The following CA10 variants were observed in gnomAD, a reference collection of about 807,000 sequenced individuals.
CA10 encodes the protein carbonic anhydrase-related protein 10.
In CA10, 14 loss-of-function variants were observed where a neutral mutation model predicts 44.2. The observed-to-expected ratio is 0.32, with a 90% CI of 0.21 to 0.50. The LOEUF (loss-of-function observed/expected upper bound fraction) is 0.50, where lower values mean the gene tolerates loss of function less well. Among genes scored for constraint, CA10 ranks in the 20% least tolerant of loss-of-function variants. The pLI is 0.99. For missense variants in CA10, 350 were observed against 409.7 expected, an observed-to-expected ratio of 0.85 and a Z score of 1.26; for synonymous variants, 159 against 141.6, an observed-to-expected ratio of 1.12 and a Z score of -0.87.
At chr17:51,728,419 T>C (rs1916601378) in intron 4 of CA10, among the ~76,000 whole-genome samples, 1 of 152,220 alleles carries the variant, frequency 6.6e-6, no homozygotes, top group African/African-American at 2.4e-5. Context: ...GGATCTCACA[T>C]ACAATTAGTT....
chr17:52,013,544 AAC>A (rs1211562639), intron 2 of CA10, among the ~76,000 whole-genome samples: 1 of 151,976 alleles, frequency 6.6e-6, no homozygotes, highest in African/African-American at 2.4e-5. Flanking sequence ...CATAGAATTC[AAC>A]ACACAGAAAC....
At chr17:51,655,218 A>C (rs984312777) in intron 4 of CA10, among the ~76,000 whole-genome samples, 1 of 152,336 alleles carries the variant, frequency 6.6e-6, no homozygotes, top group South Asian at 2.1e-4. Context: ...AACACCCATA[A>C]CATATTTAAC....
At chr17:51,715,928 G>A (rs1199663293) in intron 4 of CA10, among the ~76,000 whole-genome samples, 2 of 152,112 alleles carry the variant, frequency 1.3e-5, no homozygotes, top group African/African-American at 2.4e-5. Flanking sequence ...GACCTCAGGT[G>A]ATCCGCCCAC....
chr17:52,147,877 AT>A (rs1406444653), intron 1 of CA10, among the ~76,000 whole-genome samples: 1 of 151,986 alleles, frequency 6.6e-6, no homozygotes, highest in South Asian at 2.1e-4. Flanking sequence ...ACCCCTTTTT[AT>A]TTTTTTCTGT....
intron 3 of CA10, among the ~76,000 whole-genome samples, chr17:51,849,975 T>C (rs187132924): frequency 1.6e-4 from 25 of 152,092 alleles, no homozygotes; most frequent in Admixed American, 5.9e-4. Context: ...CAAACTGGGG[T>C]CTTTAGAACT....
At position 51,637,513 on chromosome 17, in the gene CA10, C is replaced by T. The variant is rs545860328; in HGVS notation, c.635-1504G>A. Among the ~76,000 whole-genome samples the T allele has an allele frequency of 2.9e-4, 44 of 152,352 alleles. No individual in the cohort carries two copies. In the South Asian group the frequency reaches 8.9e-3, roughly 31 times the overall value. ...TGGCCGAGGGATGAGACTGACTCTCCAGCCCCATGGATGCACACATGTTCT... is the reference window on the plus strand; with the variant it reads ...TGGCCGAGGGATGAGACTGACTCTCTAGCCCCATGGATGCACACATGTTCT... On this transcript the variant is annotated intron_variant, in intron 6 of 8. Transcript: ENST00000451037.
chr17:51,688,838 A>G (rs1274489527), intron 4 of CA10, among the ~76,000 whole-genome samples: 1 of 152,218 alleles, frequency 6.6e-6, no homozygotes, highest in Non-Finnish European at 1.5e-5. Flanking sequence ...TATTACAATT[A>G]GTTACTGACA....
At chr17:51,858,682 C>T (rs1288568378) in intron 3 of CA10, among the ~76,000 whole-genome samples, 1 of 152,166 alleles carries the variant, frequency 6.6e-6, no homozygotes, top group Non-Finnish European at 1.5e-5. Context: ...CACTTGGCTC[C>T]TATGTGTCTT....
intron 3 of CA10, among the ~76,000 whole-genome samples, chr17:51,928,394 T>TCTTGTA (rs1302426856): frequency 1.3e-5 from 2 of 152,126 alleles, no homozygotes; most frequent in African/African-American, 2.4e-5. Flanking sequence ...TCCTTGCTAT[T>TCTTGTA]CTTGTACTGA....
chr17:51,696,654 A>G (rs1915410099), intron 4 of CA10, among the ~76,000 whole-genome samples: 1 of 151,914 alleles, frequency 6.6e-6, no homozygotes, highest in Non-Finnish European at 1.5e-5. Flanking sequence ...TTGTTTTTCT[A>G]GTTCCTCTAG....
At chr17:52,052,916 T>A (rs2143055157) in intron 2 of CA10, among the ~76,000 whole-genome samples, 1 of 151,970 alleles carries the variant, frequency 6.6e-6, no homozygotes, top group East Asian at 1.9e-4. Context: ...ACAGTGTGTA[T>A]GAGTATGTGT....
intron 8 of CA10, 75 bp downstream of exon 8, chr17:51,633,401 G>C: frequency 7.6e-7 from 1 of 1,323,790 alleles, no homozygotes. Flanking sequence ...ATAATGCCAG[G>C]CCTTTAAGAA....
At chr17:51,929,375 C>T (rs958379412) in intron 3 of CA10, among the ~76,000 whole-genome samples, 1 of 152,126 alleles carries the variant, frequency 6.6e-6, no homozygotes, top group Non-Finnish European at 1.5e-5. Flanking sequence ...TGCCATAACT[C>T]GTAGGCGAAG....
intron 1 of CA10, among the ~76,000 whole-genome samples, chr17:52,127,388 A>G (rs1989142309): frequency 6.6e-6 from 1 of 152,110 alleles, no homozygotes; most frequent in South Asian, 2.1e-4. Flanking sequence ...CTGATGTACT[A>G]TGCTGTATAT....
intron 2 of CA10, among the ~76,000 whole-genome samples, chr17:52,013,045 T>C (rs939775067): frequency 5.3e-5 from 8 of 151,972 alleles, no homozygotes; most frequent in South Asian, 2.1e-4. Flanking sequence ...GCAATGAGTA[T>C]AAGAAAATCC....
chr17:51,928,938 TCAGA>T (rs1982539867), intron 3 of CA10, among the ~76,000 whole-genome samples: 2 of 152,162 alleles, frequency 1.3e-5, no homozygotes, highest in South Asian at 4.1e-4. Flanking sequence ...AAAGGAACCA[TCAGA>T]CAGTTCTCAG....
At chr17:52,146,171 G>A (rs1192097534) in intron 1 of CA10, among the ~76,000 whole-genome samples, 2 of 152,146 alleles carry the variant, frequency 1.3e-5, no homozygotes, top group African/African-American at 2.4e-5. Flanking sequence ...GTTAACAGGT[G>A]CAACACACCA....
At chr17:51,941,994 GGTGAATAATGAAGGGTACA>G (rs551669311) in intron 2 of CA10, among the ~76,000 whole-genome samples, 253 of 152,152 alleles carry the variant, frequency 1.7e-3, no homozygotes, top group African/African-American at 5.8e-3. Context: ...GGCAAAAGTA[GGTGAATAATGAAGGGTACA>G]GTAGAATTGC....
At chr17:51,913,991 A>G (rs551323760) in intron 3 of CA10, among the ~76,000 whole-genome samples, 5 of 152,150 alleles carry the variant, frequency 3.3e-5, no homozygotes, top group Non-Finnish European at 7.4e-5. Context: ...TGCCCCTGTT[A>G]AATTATGCAC....
Sources: gnomAD v4.1 joint callset for allele counts (sites outside exome capture counted in the v4.1 genomes callset) on GRCh38, gnomAD v4.1.1 for gene constraint, MANE v1.5 for transcripts, NCBI Gene and HGNC (gene_info 2026-07-23, HGNC 2026-07-21) for gene names.